The following ST14 variants were observed in gnomAD, a reference collection of about 807,000 sequenced individuals.
The protein encoded by ST14 is ST14 transmembrane serine protease matriptase.
Under a neutral mutation model 96.5 loss-of-function variants are expected in ST14, and 40 were observed. The ratio of observed to expected loss-of-function variants is 0.41; its 90% CI spans 0.32 to 0.54. The LOEUF is 0.54. Ranked by LOEUF, ST14 falls within the 20% of genes least tolerant of loss-of-function variation. ST14 has a pLI of 0.17. For synonymous variants in ST14, 506 were observed against 492.1 expected, an observed-to-expected ratio of 1.03 and a Z score of -0.37; for missense variants, 1,066 against 1,188.9, an observed-to-expected ratio of 0.90 and a Z score of 1.52.
intron 1 of ST14, among the ~76,000 whole-genome samples, chr11:130,170,308 C>T (rs1035703143): frequency 6.6e-6 from 1 of 151,920 alleles, no homozygotes; most frequent in Non-Finnish European, 1.5e-5. Flanking sequence ...TCCAGCCTGC[C>T]CTGGGGAGGC....
At position 130,188,057 on chromosome 11, in the gene ST14, G is replaced by C; in HGVS notation, c.82-57G>C. On this transcript the variant is annotated intron_variant, in intron 1 of 18. Transcript: ENST00000278742. This position sits in a 1 kb window ranked among gnomAD's most constrained non-coding sequence, Gnocchi z 5.4. ...CAAAATGTGAACATCTTCCCCAGCG[G>C]GGTGCAGGGGAAGAGCGGGTGAGAG... 6.3e-7 allele frequency: 1 copy of C among 1,598,262 alleles called. No homozygotes were observed. Among genetic ancestry groups the C allele is most frequent in the Non-Finnish European group, 8.6e-7 (1 of 1,168,490 alleles).
chr11:130,169,561 G>C (rs1324655365), intron 1 of ST14, among the ~76,000 whole-genome samples: 1 of 152,144 alleles, frequency 6.6e-6, no homozygotes, highest in African/African-American at 2.4e-5. Context: ...GCCAGAGACA[G>C]GGGACTACGC....
Position 130,178,962 on chromosome 11 carries a change from C to G in ST14, c.82-9152C>G, listed in dbSNP as rs149467569. Reference sequence around the variant, plus strand: ...GGGACTTCTGGGATGATGCTTATAACCAATTGTGGGAGGGTCCCCAGGGCG... The same window carrying G: ...GGGACTTCTGGGATGATGCTTATAAGCAATTGTGGGAGGGTCCCCAGGGCG... On this transcript the variant is annotated intron_variant, in intron 1 of 18. Coordinates refer to ENST00000278742, the MANE Select transcript of ST14 (RefSeq NM_021978.4). Among the ~76,000 whole-genome samples the G allele has an allele frequency of 2.5e-3, 384 of 152,246 alleles. 1 individual carries two copies. Among genetic ancestry groups the G allele is most frequent in the African/African-American group, 8.9e-3 (370 of 41,544 alleles).
In ST14 at chr11:130,190,368, G is replaced by A. The variant is rs1477684434; in HGVS notation, c.635-86G>A. On this transcript the variant is annotated intron_variant, in intron 6 of 18. Transcript: ENST00000278742. ...GCGTCTCGAAGGGGCGAGGCCTGAG[G>A]TCCACACCCACGGGGTCTCAGGGTC... The A allele has an allele frequency of 5.0e-6, 8 of 1,588,960 alleles. No individual in the cohort carries two copies. In the African/African-American group the frequency reaches 8.0e-5, roughly 16 times the overall value.
intron 11 of ST14, among the ~76,000 whole-genome samples, chr11:130,197,086 G>A (rs1308279124): frequency 6.6e-6 from 1 of 152,228 alleles, no homozygotes; most frequent in East Asian, 1.9e-4. Flanking sequence ...GACACATGAG[G>A]AAGTGCCATT....
At chr11:130,204,746 G>A (rs935621058) in intron 16 of ST14, among the ~76,000 whole-genome samples, 3 of 152,102 alleles carry the variant, frequency 2.0e-5, no homozygotes, top group Non-Finnish European at 2.9e-5. Flanking sequence ...TCTGGGAGGC[G>A]GAGGTTGTGG....
At chr11:130,174,574 A>AG (rs1343986297) in intron 1 of ST14, among the ~76,000 whole-genome samples, 7 of 152,146 alleles carry the variant, frequency 4.6e-5, no homozygotes, top group African/African-American at 1.4e-4. Flanking sequence ...CCTTGACATA[A>AG]GTAACTCCAT....
chr11:130,181,656 C>T lies in ST14; in HGVS notation c.82-6458C>T, dbSNP rs1055820042. On this transcript the variant is annotated intron_variant, in intron 1 of 18. Transcript: ENST00000278742. The surrounding 1 kb of genome is among the most constrained non-coding windows in gnomAD (Gnocchi z 4.1). ...TGAGACCTCCCCCTCCCACCTCCCC[C>T]ACCCAGGAGTTAAAAGAGCTTTGCT... 6.6e-6 allele frequency among the ~76,000 whole-genome samples: 1 copy of T among 152,178 alleles called. No homozygotes were observed. Among genetic ancestry groups the T allele is most frequent in the Non-Finnish European group, 1.5e-5 (1 of 68,032 alleles).
chr11:130,168,579 C>T (rs900743846), intron 1 of ST14, among the ~76,000 whole-genome samples: 2 of 152,122 alleles, frequency 1.3e-5, no homozygotes, highest in Non-Finnish European at 2.9e-5. Flanking sequence ...AAGGAAAATG[C>T]TATTTCTTCC....
intron 1 of ST14, among the ~76,000 whole-genome samples, chr11:130,170,580 T>A (rs1359094820): frequency 6.6e-6 from 1 of 151,918 alleles, no homozygotes; most frequent in Non-Finnish European, 1.5e-5. Flanking sequence ...CTTTGGCCTG[T>A]GTGCTGGAGG....
chr11:130,167,337 TTTTTG>T (rs1953050684), intron 1 of ST14, among the ~76,000 whole-genome samples: 1 of 152,248 alleles, frequency 6.6e-6, no homozygotes, highest in Non-Finnish European at 1.5e-5. Context: ...GAAGCTTTTC[TTTTTG>T]AAGTCACACA....
In ST14 at chr11:130,197,259, C is replaced by T. The variant is rs1170742229; in HGVS notation, c.1354+559C>T. On this transcript the variant is annotated intron_variant, in intron 11 of 18. Coordinates refer to ENST00000278742, the MANE Select transcript of ST14 (RefSeq NM_021978.4). ...CCAAAAGTACACTTGGATGAACCAACGCCTTTGATCTAAACACTTACCTGT... is the reference window on the plus strand; with the variant it reads ...CCAAAAGTACACTTGGATGAACCAATGCCTTTGATCTAAACACTTACCTGT... Among the ~76,000 whole-genome samples the T allele has an allele frequency of 2.6e-5, 4 of 152,242 alleles. No homozygotes were observed. In the South Asian group the frequency reaches 6.2e-4, roughly 24 times the overall value.
chr11:130,194,271 A>G lies in ST14; in HGVS notation c.998A>G (p.Gln333Arg). The G allele has an allele frequency of 6.2e-7, 1 of 1,614,176 alleles. No individual in the cohort carries two copies. Among genetic ancestry groups the G allele is most frequent in the Non-Finnish European group, 8.5e-7 (1 of 1,180,026 alleles). Reference sequence around the variant, plus strand: ...CCCGGCTTTGAGGCCACCTTCTTCCAGCTGCCTAGGATGAGCAGTAAGGAA... The same window carrying G: ...CCCGGCTTTGAGGCCACCTTCTTCCGGCTGCCTAGGATGAGCAGTAAGGAA... ...RHPGFEATFF[Q>R]LPRMSSCGGR... The change falls in exon 8 of 19, where the codon CAG becomes CGG. Residue 333 changes from glutamine (Q) to arginine (R), a missense_variant. Transcript: ENST00000278742.
intron 1 of ST14, among the ~76,000 whole-genome samples, chr11:130,176,048 G>A (rs1245217697): frequency 6.6e-6 from 1 of 152,150 alleles, no homozygotes; most frequent in Admixed American, 6.5e-5. Context: ...GGGATGCAAT[G>A]CGTTTCTGTG....
intron 7 of ST14, among the ~76,000 whole-genome samples, chr11:130,193,908 C>A (rs1037936845): frequency 2.0e-5 from 3 of 152,086 alleles, no homozygotes; most frequent in African/African-American, 7.2e-5. Flanking sequence ...TTATCACTAG[C>A]GCCTTCCATC....
At chr11:130,198,038 G>T in intron 12 of ST14, 93 bp downstream of exon 12, 3 of 1,344,934 alleles carry the variant, frequency 2.2e-6, no homozygotes, top group South Asian at 2.5e-5. Flanking sequence ...AGGCAGAAAG[G>T]CCGGAGGTGG....
chr11:130,202,074 T>G (rs75195927), intron 16 of ST14, among the ~76,000 whole-genome samples: 3,838 of 152,328 alleles, frequency 0.025, 63 homozygotes, highest in Middle Eastern at 0.034. Flanking sequence ...AAGGTCCGGT[T>G]GCTTAGTGTG....
chr11:130,190,185 A>G (rs886421507), intron 6 of ST14, 37 bp downstream of exon 6: 2 of 1,613,908 alleles, frequency 1.2e-6, no homozygotes, highest in African/African-American at 1.3e-5. Flanking sequence ...TGGGTGGGGA[A>G]GAGGCGGGAT....
At position 130,197,831 on chromosome 11, in the gene ST14, G is replaced by A. The variant is rs763798824; in HGVS notation, c.1355-10G>A. On this transcript the variant is annotated splice_polypyrimidine_tract_variant and intron_variant, in intron 11 of 18. Transcript: ENST00000278742. ...GGTGCTGGGGGCCTCAGGCCTGCCT[G>A]TGCCCGCAGCATGCCCGGGGCAGTT... is the stretch of plus-strand genomic sequence containing the variant. 1 of 1,558,146 alleles carries A rather than the reference G, an allele frequency of 6.4e-7. No homozygotes were observed. The highest frequency in any genetic ancestry group is 1.2e-5 in the South Asian group (1 of 85,780).
Sources: allele counts gnomAD v4.1 joint callset (sites outside exome capture counted in the v4.1 genomes callset), GRCh38; gene constraint gnomAD v4.1.1; non-coding constraint Gnocchi (gnomAD v3.1); transcripts MANE v1.5; gene names NCBI Gene and HGNC (gene_info 2026-07-23, HGNC 2026-07-21).